The following MYO5B variants were observed in gnomAD, a reference collection of about 807,000 sequenced individuals.
MYO5B encodes myosin VB, also known as unconventional myosin-Vb.
In MYO5B, 143 loss-of-function variants were observed where a neutral mutation model predicts 229.3. That is an observed-to-expected ratio of 0.62 (90% CI 0.54 to 0.72). MYO5B has a LOEUF of 0.72. MYO5B is among the 30% of genes least tolerant of loss of function. The probability of loss-of-function intolerance (pLI) is 0.00; values close to 1 mark genes in which losing one functional copy is unlikely to be tolerated. For synonymous variants in MYO5B, 918 were observed against 885.2 expected (o/e 1.04, Z -0.66); for missense variants, 2,321 against 2,331.0 (o/e 1.00, Z 0.09).
chr18:50,026,134 C>T (rs1314806642), intron 4 of MYO5B, among the ~76,000 whole-genome samples: 1 of 152,212 alleles, frequency 6.6e-6, no homozygotes, highest in African/African-American at 2.4e-5. Context: ...CTACTGCAAG[C>T]ACCAGAAGGG....
At chr18:49,834,554 A>G (rs903218327) in intron 39 of MYO5B, among the ~76,000 whole-genome samples, 6 of 152,198 alleles carry the variant, frequency 3.9e-5, no homozygotes, top group African/African-American at 1.2e-4. Flanking sequence ...TTTAAGTAAA[A>G]CATTCCCATC....
chr18:50,152,125 A>T (rs996865048), intron 1 of MYO5B, among the ~76,000 whole-genome samples: 1 of 152,224 alleles, frequency 6.6e-6, no homozygotes, highest in Non-Finnish European at 1.5e-5. Flanking sequence ...CCAATACATT[A>T]TACAGCAGTT....
intron 1 of MYO5B, among the ~76,000 whole-genome samples, chr18:50,159,823 G>GC (rs2032737966): frequency 6.6e-6 from 1 of 152,150 alleles, no homozygotes; most frequent in Non-Finnish European, 1.5e-5. Flanking sequence ...CCACGCCACT[G>GC]ATATCATGCT....
At chr18:50,141,504 C>T (rs78708645) in intron 1 of MYO5B, among the ~76,000 whole-genome samples, 5,210 of 152,306 alleles carry the variant, frequency 0.034, 131 homozygotes, top group Non-Finnish European at 0.055. Flanking sequence ...CTACCACCAG[C>T]TCCCCTTGAA....
chr18:49,997,485 G>A (rs542567997), intron 5 of MYO5B, among the ~76,000 whole-genome samples: 12 of 148,824 alleles, frequency 8.1e-5, no homozygotes, highest in East Asian at 6.0e-4. Flanking sequence ...CATTCTCTGT[G>A]GCTCTCAGAG....
chr18:49,828,811 A>G (rs1446128143), intron 39 of MYO5B, among the ~76,000 whole-genome samples: 1 of 152,208 alleles, frequency 6.6e-6, no homozygotes, highest in African/African-American at 2.4e-5. Context: ...TGGGCTAAAG[A>G]AATCACAGGG....
chr18:50,194,805 G>C lies in MYO5B; in HGVS notation c.-12C>G, dbSNP rs1361659956. ...TCGCCCACCGACATGGCCCGGGCCG[G>C]GCGGGGCTCGGGCCCCGGCTCCTGG... On this transcript the variant is annotated 5_prime_UTR_variant, in exon 1 of 40. Coordinates refer to ENST00000285039, the MANE Select transcript of MYO5B (RefSeq NM_001080467.3). 4.5e-6 allele frequency: 6 copies of C among 1,347,676 alleles called. No individual in the cohort carries two copies. Among genetic ancestry groups the C allele is most frequent in the African/African-American group, 3.1e-5 (2 of 65,408 alleles). 83.5% of individuals were successfully genotyped at this position (1,347,676 alleles called of 1,614,324 possible).
intron 1 of MYO5B, among the ~76,000 whole-genome samples, chr18:50,059,072 C>A (rs2030622184): frequency 1.3e-5 from 2 of 152,188 alleles, no homozygotes; most frequent in African/African-American, 4.8e-5. Context: ...GCAGTCATTT[C>A]TTTCACATCA....
At chr18:49,939,279 G>T (rs1216001313) in intron 14 of MYO5B, among the ~76,000 whole-genome samples, 1 of 151,288 alleles carries the variant, frequency 6.6e-6, no homozygotes, top group Non-Finnish European at 1.5e-5. Context: ...CCCAGTAGCT[G>T]GGACTGCAGG....
At chr18:49,938,803 C>T (rs1350642478) in intron 14 of MYO5B, among the ~76,000 whole-genome samples, 1 of 152,138 alleles carries the variant, frequency 6.6e-6, no homozygotes, top group Admixed American at 6.5e-5. Context: ...ACTTGAAATA[C>T]CCCCACCCCT....
chr18:50,181,521 C>T (rs1424935851), intron 1 of MYO5B, among the ~76,000 whole-genome samples: 1 of 152,212 alleles, frequency 6.6e-6, no homozygotes, highest in African/African-American at 2.4e-5. Flanking sequence ...ATTTCTAGAA[C>T]AGAAAGCCTA....
chr18:50,023,417 T>A (rs1271666957), intron 4 of MYO5B, among the ~76,000 whole-genome samples: 2 of 152,158 alleles, frequency 1.3e-5, no homozygotes, highest in Admixed American at 6.5e-5. Context: ...ACTATTTTGG[T>A]TATTATCAAC....
At chr18:50,043,593 T>A (rs1470644134) in intron 2 of MYO5B, among the ~76,000 whole-genome samples, 1 of 131,532 alleles carries the variant, frequency 7.6e-6, no homozygotes, top group African/African-American at 2.9e-5. Context: ...AATATATTTA[T>A]AAGTATATAA....
At chr18:49,985,719 A>C (rs2025863494) in intron 7 of MYO5B, among the ~76,000 whole-genome samples, 1 of 152,206 alleles carries the variant, frequency 6.6e-6, no homozygotes, top group Admixed American at 6.5e-5. Flanking sequence ...GAATGTCAAA[A>C]GGAGACACTG....
At chr18:49,830,825 G>A (rs1322561422) in intron 39 of MYO5B, among the ~76,000 whole-genome samples, 120 of 101,978 alleles carry the variant, frequency 1.2e-3, no homozygotes, top group African/African-American at 4.3e-3. Flanking sequence ...GTGAGACTCT[G>A]TCTCAAAAAA....
chr18:50,073,747 A>T (rs2031013945), intron 1 of MYO5B, among the ~76,000 whole-genome samples: 1 of 151,916 alleles, frequency 6.6e-6, no homozygotes, highest in Non-Finnish European at 1.5e-5. Flanking sequence ...CCTACCCCTC[A>T]CCTGTTTATT....
In MYO5B at chr18:49,963,042, A is replaced by AAAGAGAAGAT. The variant is rs1363650170; in HGVS notation, c.1323-22_1323-13dup. The AAAGAGAAGAT allele has an allele frequency of 1.2e-5, 20 of 1,610,564 alleles. No homozygotes were observed. The highest frequency in any genetic ancestry group is 1.5e-5 in the Non-Finnish European group (18 of 1,176,964). On this transcript the variant is annotated splice_polypyrimidine_tract_variant and intron_variant, in intron 10 of 39. Transcript: ENST00000285039. ...CAAATGTCTCAAACCTACAGAATGG[A>AAAGAGAAGAT]AAGAGAAGATAAGAGACGTCTCCTT...
chr18:49,988,961 A>C (rs1178179104), intron 7 of MYO5B, among the ~76,000 whole-genome samples: 1 of 152,160 alleles, frequency 6.6e-6, no homozygotes, highest in Non-Finnish European at 1.5e-5. Flanking sequence ...CTAACAATGG[A>C]CATCAGCCAG....
At chr18:49,960,713 C>G (rs1444916063) in intron 12 of MYO5B, among the ~76,000 whole-genome samples, 1 of 152,208 alleles carries the variant, frequency 6.6e-6, no homozygotes, top group Admixed American at 6.5e-5. Flanking sequence ...ATCTTCTTGG[C>G]CACCAGTGTG....
Sources: gnomAD v4.1 joint callset for allele counts (sites outside exome capture counted in the v4.1 genomes callset) on GRCh38, gnomAD v4.1.1 for gene constraint, MANE v1.5 for transcripts, NCBI Gene and HGNC (gene_info 2026-07-23, HGNC 2026-07-21) for gene names.